The following WNK2 variants were observed in gnomAD, a reference collection of about 807,000 sequenced individuals.
The protein encoded by WNK2 is serine/threonine-protein kinase WNK2.
A neutral mutation model predicts 192.1 loss-of-function variants in WNK2; 67 were observed. The observed-to-expected ratio is 0.35, with a 90% CI of 0.29 to 0.43. The LOEUF (loss-of-function observed/expected upper bound fraction) is 0.43. Among genes scored for constraint, WNK2 ranks in the 20% least tolerant of loss-of-function variants. WNK2 has a pLI of 1.00. For missense variants in WNK2, 2,698 were observed against 3,089.7 expected (o/e 0.87, Z 3.01); for synonymous variants, 1,439 against 1,393.9 (o/e 1.03, Z -0.72).
chr9:93,237,405 C>G (rs1277434873), intron 5 of WNK2, among the ~76,000 whole-genome samples: 5 of 152,186 alleles, frequency 3.3e-5, no homozygotes, highest in Non-Finnish European at 5.9e-5. Context: ...TTCAGGTTCA[C>G]TCGTCTTTTT....
chr9:93,236,299 G>A (rs1039084953), intron 5 of WNK2, among the ~76,000 whole-genome samples: 1 of 152,144 alleles, frequency 6.6e-6, no homozygotes, highest in African/African-American at 2.4e-5. Flanking sequence ...CGACCCTGGG[G>A]GTGTACACTA....
chr9:93,301,776 A>G (rs1325322279), intron 26 of WNK2, among the ~76,000 whole-genome samples: 1 of 152,120 alleles, frequency 6.6e-6, no homozygotes, highest in Non-Finnish European at 1.5e-5. Context: ...TGTTAGTGTC[A>G]GGTATGGCGC....
At chr9:93,206,659 T>C (rs1833449493) in intron 2 of WNK2, among the ~76,000 whole-genome samples, 1 of 152,202 alleles carries the variant, frequency 6.6e-6, no homozygotes, top group South Asian at 2.1e-4. Context: ...TGGCCCTCCC[T>C]TGCAGAATGA....
chr9:93,263,285 CAG>C (rs547653437), intron 14 of WNK2: 247 of 518,088 alleles, frequency 4.8e-4, no homozygotes, highest in African/African-American at 3.1e-3. Flanking sequence ...AACTGAGGCA[CAG>C]GGGCTGATTC....
At chr9:93,184,833 G>C in intron 1 of WNK2, 95 bp from the exon 2 acceptor site, 2 of 1,108,104 alleles carry the variant, frequency 1.8e-6, no homozygotes, top group Non-Finnish European at 2.3e-6. Flanking sequence ...GGGCTGGGCA[G>C]GTTGCGGGCT....
At chr9:93,275,980 T>C (rs4744212) in intron 19 of WNK2, among the ~76,000 whole-genome samples, 58,506 of 152,068 alleles carry the variant, frequency 0.38, 13,337 homozygotes, top group Admixed American at 0.51. Context: ...AGAAGCATAC[T>C]GTGTTCATGG....
intron 6 of WNK2, among the ~76,000 whole-genome samples, chr9:93,238,663 C>T (rs1317969593): frequency 1.3e-5 from 2 of 152,248 alleles, no homozygotes; most frequent in East Asian, 1.9e-4. Context: ...GGCTTCTCTC[C>T]AGCCTCTCTG....
At chr9:93,249,947 C>T (rs1193513498) in intron 8 of WNK2, among the ~76,000 whole-genome samples, 1 of 118,938 alleles carries the variant, frequency 8.4e-6, no homozygotes, top group South Asian at 2.9e-4. Flanking sequence ...GACAGTCTCG[C>T]TCTGTCTCCA....
At chr9:93,232,417 G>A (rs12001073) in intron 4 of WNK2, among the ~76,000 whole-genome samples, 23,523 of 152,196 alleles carry the variant, frequency 0.15, 1,911 homozygotes, top group South Asian at 0.29. Flanking sequence ...GGGGCTGAGA[G>A]CAGGGGCCCA....
intron 2 of WNK2, among the ~76,000 whole-genome samples, chr9:93,228,460 G>A (rs567745124): frequency 3.9e-5 from 6 of 152,192 alleles, no homozygotes; most frequent in Admixed American, 6.5e-5. Context: ...AGAAGTCCCC[G>A]GAATTTTGCT....
intron 2 of WNK2, among the ~76,000 whole-genome samples, chr9:93,189,927 G>T (rs989932159): frequency 6.6e-6 from 1 of 152,246 alleles, no homozygotes; most frequent in Non-Finnish European, 1.5e-5. Context: ...GGACGAGCCA[G>T]TGCCGGGCAC....
At chr9:93,220,631 T>G (rs889502409) in intron 2 of WNK2, among the ~76,000 whole-genome samples, 1 of 152,050 alleles carries the variant, frequency 6.6e-6, no homozygotes, top group African/African-American at 2.4e-5. Context: ...GAGACCTCCA[T>G]GGGGTGGCCT....
chr9:93,296,014 C>T, intron 23 of WNK2, among the ~76,000 whole-genome samples: 1 of 132,388 alleles, frequency 7.6e-6, no homozygotes, highest in Non-Finnish European at 1.6e-5. Context: ...CTCCATTCTC[C>T]CCTCACCTTC....
chr9:93,304,444 G>A (rs1378422908), intron 26 of WNK2, among the ~76,000 whole-genome samples: 1 of 152,260 alleles, frequency 6.6e-6, no homozygotes, highest in East Asian at 1.9e-4. Flanking sequence ...CCAAGCCCCC[G>A]CCCCAGCACC....
chr9:93,243,795 C>T (rs1841198760), intron 7 of WNK2, among the ~76,000 whole-genome samples: 1 of 152,240 alleles, frequency 6.6e-6, no homozygotes, highest in African/African-American at 2.4e-5. Flanking sequence ...CACTGGCCTC[C>T]CTGGGGTCCT....
At chr9:93,192,231 T>C (rs2131007939) in intron 2 of WNK2, among the ~76,000 whole-genome samples, 1 of 151,172 alleles carries the variant, frequency 6.6e-6, no homozygotes, top group South Asian at 2.1e-4. Context: ...AGAGAATCGC[T>C]TGAACCCAGG....
intron 9 of WNK2, among the ~76,000 whole-genome samples, chr9:93,255,191 C>T (rs1170231119): frequency 1.3e-5 from 2 of 152,228 alleles, no homozygotes; most frequent in Non-Finnish European, 2.9e-5. Flanking sequence ...GTGCTGAGGG[C>T]TCTCCCTACC....
chr9:93,226,411 T>C (rs1377673962), intron 2 of WNK2, among the ~76,000 whole-genome samples: 1 of 152,376 alleles, frequency 6.6e-6, no homozygotes, highest in African/African-American at 2.4e-5. Context: ...TCTTCTATTT[T>C]CTTTCTTCTA....
intron 19 of WNK2, among the ~76,000 whole-genome samples, chr9:93,269,651 A>G (rs1437374965): frequency 6.6e-6 from 1 of 152,236 alleles, no homozygotes; most frequent in African/African-American, 2.4e-5. Context: ...GGATTTTAAT[A>G]CATACACACC....
Sources: allele counts gnomAD v4.1 joint callset (sites outside exome capture counted in the v4.1 genomes callset), GRCh38; gene constraint gnomAD v4.1.1; transcripts MANE v1.5; gene names NCBI Gene and HGNC (gene_info 2026-07-23, HGNC 2026-07-21).